The following ZNF717 variants were observed in gnomAD, a reference collection of about 807,000 sequenced individuals.
The protein encoded by ZNF717 is krueppel-like factor X17.
A neutral mutation model predicts 13.8 loss-of-function variants in ZNF717; 9 were observed. The ratio of observed to expected loss-of-function variants is 0.65; its 90% CI spans 0.39 to 1.14. ZNF717 has a LOEUF of 1.14. Ranked by LOEUF, ZNF717 falls within the 50% of genes most tolerant of loss-of-function variation. ZNF717 has a pLI of 0.01. For missense variants in ZNF717, 1,040 were observed against 1,080.7 expected (o/e 0.96, Z 0.53); for synonymous variants, 327 against 364.1 (o/e 0.90, Z 1.16).
downstream of ZNF717, among the ~76,000 whole-genome samples, chr3:75,729,145 G>A (rs80041524): frequency 0.086 from 6,049 of 70,470 alleles, 3 homozygotes; most frequent in South Asian, 0.22. Flanking sequence ...AATCAGATAT[G>A]CATTTGTGTC....
At chr3:75,734,825 T>A (rs1251887723), downstream of ZNF717, among the ~76,000 whole-genome samples, 827 of 49,352 alleles carry the variant, frequency 0.017, 2 homozygotes, top group African/African-American at 0.045. Flanking sequence ...ATATTTTTTT[T>A]TTTTTTTTTT....
downstream of ZNF717, among the ~76,000 whole-genome samples, chr3:75,709,055 C>T (rs1246743667): frequency 5.3e-5 from 8 of 150,770 alleles, no homozygotes; most frequent in African/African-American, 1.7e-4. Context: ...GGCTGGAGTG[C>T]AGTGGTGTGA....
At chr3:75,696,744 T>C (rs1341517739) in intron 6 of ZNF717, among the ~76,000 whole-genome samples, 1 of 152,292 alleles carries the variant, frequency 6.6e-6, no homozygotes, top group African/African-American at 2.4e-5. Flanking sequence ...AATACAAAAA[T>C]TAACCAGTCA....
At chr3:75,754,490 T>G (rs1034171195) in intron 2 of ZNF717, among the ~76,000 whole-genome samples, 3 of 152,038 alleles carry the variant, frequency 2.0e-5, no homozygotes, top group Non-Finnish European at 4.4e-5. Flanking sequence ...AGCATTCAAC[T>G]GTAGATGGGT....
intron 2 of ZNF717, among the ~76,000 whole-genome samples, chr3:75,742,474 A>T (rs1940602731): frequency 6.6e-6 from 1 of 152,234 alleles, no homozygotes; most frequent in African/African-American, 2.4e-5. Flanking sequence ...AGAAGGAGAA[A>T]ATAAGTTTTG....
intron 2 of ZNF717, among the ~76,000 whole-genome samples, chr3:75,779,858 A>G (rs1321688339): frequency 7.3e-5 from 11 of 151,618 alleles, no homozygotes; most frequent in Non-Finnish European, 1.6e-4. Context: ...GTGATGTGCT[A>G]AAACCGGAAC....
chr3:75,740,177 TTG>T (rs1413668679), intron 4 of ZNF717, among the ~76,000 whole-genome samples: 1 of 152,208 alleles, frequency 6.6e-6, no homozygotes, highest in African/African-American at 2.4e-5. Context: ...GGGTTTTATT[TTG>T]TGTTTTGGAG....
At chr3:75,774,854 C>T (rs952901097) in intron 2 of ZNF717, among the ~76,000 whole-genome samples, 1 of 152,114 alleles carries the variant, frequency 6.6e-6, no homozygotes, top group East Asian at 1.9e-4. Flanking sequence ...CTCCTGACCT[C>T]GTGATCCGTC....
intron 2 of ZNF717, among the ~76,000 whole-genome samples, chr3:75,766,509 C>A (rs1943477984): frequency 6.6e-6 from 1 of 152,140 alleles, no homozygotes; most frequent in African/African-American, 2.4e-5. Context: ...AAAGTGCACA[C>A]AAAGTACACA....
chr3:75,736,594 T>G lies in ZNF717; in HGVS notation c.*284A>C. 2.6e-6 allele frequency: 1 copy of G among 382,300 alleles called. No individual in the cohort carries two copies. The highest frequency in any genetic ancestry group is 4.3e-6 in the Non-Finnish European group (1 of 230,640). The allele number at this position is 382,300 out of a possible 1,614,324, so 23.7% of individuals were successfully genotyped here. ...GAAAGGCCCTAACTCTCTTCAATTC[T>G]ATGGAGGAGAAGAGAGGTGAGGAAG... On this transcript the variant is annotated 3_prime_UTR_variant, in exon 5 of 5. Transcript: ENST00000652011.
rs1421669884 is a variant in ZNF717 at position 75,737,108 on chromosome 3, C to G, written c.2515G>C (p.Glu839Gln). ...CATTCATTACATCTAAAGGGTTTTT[C>G]CCCTGTGTGAGTTCTGTGATGTACA... The part of the protein sequence containing the change: ...LFVHHRTHTG[E>Q]KPFRCNECRK... Residue 839 changes from glutamate to glutamine, a missense_variant, in exon 5 of 5, where the codon GAA becomes CAA. Physicochemically the swap from Glu to Gln is conservative, Grantham distance 29. Around this residue, in one of 3 missense-constraint regions of ZNF717, gnomAD observed 873 missense variants for 832.8 expected, o/e 1.05. Transcript: ENST00000652011. The G allele has an allele frequency of 6.3e-6, 10 of 1,575,740 alleles. No individual in the cohort carries two copies. The African/African-American group carries it at 1.4e-4, about 21-fold the overall frequency.
chr3:75,738,876 T>G lies in ZNF717; in HGVS notation c.747A>C (p.Ser249=). 1 of 1,551,570 alleles carries G rather than the reference T, an allele frequency of 6.4e-7. No individual in the cohort carries two copies. Among genetic ancestry groups the G allele is most frequent in the Non-Finnish European group, 8.7e-7 (1 of 1,146,964 alleles). Residue 249 remains serine, a synonymous_variant, in exon 5 of 5, where the codon TCA becomes TCC. Transcript: ENST00000652011. Reference sequence around the variant, plus strand: ...GAGTTATCACTTGGACAATAACAGCTGAGTTATTACAGGCTTTCTCATATT... The same window carrying G: ...GAGTTATCACTTGGACAATAACAGCGGAGTTATTACAGGCTTTCTCATATT... ...YNEYEKACNN[S]AVIVQVITQV...
At chr3:75,734,735 G>GGTAGGTATAGGAGATGGCCATTTTT (rs1938933764), downstream of ZNF717, among the ~76,000 whole-genome samples, 4 of 113,262 alleles carry the variant, frequency 3.5e-5, no homozygotes, top group African/African-American at 1.3e-4. Flanking sequence ...GTACCTGGCT[G>GGTAGGTATAGGAGATGGCCATTTTT]CTTTTTATTC....
downstream of ZNF717, among the ~76,000 whole-genome samples, chr3:75,735,487 G>GGTGCATACTTGTAGTCCTAGCTAA (rs2106965980): frequency 8.6e-5 from 1 of 11,582 alleles, no homozygotes; most frequent in Non-Finnish European, 1.8e-4. Context: ...CAGGTATTGT[G>GGTGCATACTTGTAGTCCTAGCTAA]GTGCATACTT....
At chr3:75,717,699 G>C (rs1344572301) in intron 4 of ZNF717, among the ~76,000 whole-genome samples, 6 of 152,176 alleles carry the variant, frequency 3.9e-5, no homozygotes, top group Non-Finnish European at 7.3e-5. Flanking sequence ...AAAGGCTACA[G>C]AGTCATTCAC....
At chr3:75,698,148 CA>C (rs61557684) in intron 6 of ZNF717, among the ~76,000 whole-genome samples, 16 of 149,690 alleles carry the variant, frequency 1.1e-4, no homozygotes, top group South Asian at 6.6e-4. Context: ...CATGTTCTAG[CA>C]AAAAAAAAAA....
chr3:75,709,848 T>C (rs1426224399), exon 6 of ZNF717: 5 of 152,216 alleles, frequency 3.3e-5, no homozygotes, highest in Non-Finnish European at 7.3e-5. Context: ...AAAGCATCAC[T>C]GATCAATCAT....
intron 2 of ZNF717, among the ~76,000 whole-genome samples, chr3:75,751,551 T>C (rs1468520763): frequency 6.6e-6 from 1 of 151,202 alleles, no homozygotes; most frequent in Admixed American, 6.6e-5. Context: ...GGGTTCTGAG[T>C]ATTTGTCCCT....
chr3:75,769,346 C>T (rs1234105461), intron 2 of ZNF717, among the ~76,000 whole-genome samples: 2 of 151,870 alleles, frequency 1.3e-5, no homozygotes, highest in Non-Finnish European at 2.9e-5. Context: ...ACTCCACGTC[C>T]CCAGCCACTA....
Sources: gnomAD v4.1 joint callset for allele counts (sites outside exome capture counted in the v4.1 genomes callset) on GRCh38, gnomAD v4.1.1 for gene constraint, gnomAD v4.1.1 regional missense constraint, MANE v1.5 for transcripts, NCBI Gene and HGNC (gene_info 2026-07-23, HGNC 2026-07-21) for gene names.